ADAM11: variants seen among roughly 807,000 people sequenced by gnomAD.
ADAM11 encodes the protein ADAM metallopeptidase domain 11, also known as disintegrin and metalloproteinase domain-containing protein 11.
A neutral mutation model predicts 119.1 loss-of-function variants in ADAM11; 49 were observed. That is an observed-to-expected ratio of 0.41 (90% CI 0.33 to 0.52). The LOEUF (loss-of-function observed/expected upper bound fraction) is 0.52. Ranked by LOEUF, ADAM11 falls within the 20% of genes least tolerant of loss-of-function variation. The pLI, the probability that ADAM11 is intolerant of heterozygous loss-of-function variation, is 0.20. For missense variants in ADAM11, 777 were observed against 1,047.5 expected, an observed-to-expected ratio of 0.74 and a Z score of 3.56; for synonymous variants, 364 against 408.0, an observed-to-expected ratio of 0.89 and a Z score of 1.30.
intron 2 of ADAM11, among the ~76,000 whole-genome samples, chr17:44,763,721 CTT>C (rs879511711): frequency 5.5e-5 from 8 of 144,156 alleles, no homozygotes; most frequent in Admixed American, 6.9e-5. Context: ...TGTTTTCTTT[CTT>C]TTTTTTTTTT....
Position 44,779,966 on chromosome 17 carries a change from T to TC in ADAM11, c.*217dup, listed in dbSNP as rs1567697234. On this transcript the variant is annotated 3_prime_UTR_variant, in exon 27 of 27. Coordinates refer to ENST00000200557, the MANE Select transcript of ADAM11 (RefSeq NM_002390.6). ...GGCCTGGAGGGCACTTCCTCCACAG[T>TC]CCCCCACCCACCTCCTGCGGCTCAG... 1 of 735,500 alleles carries TC rather than the reference T, an allele frequency of 1.4e-6. No homozygotes were observed. Among genetic ancestry groups the TC allele is most frequent in the Non-Finnish European group, 2.4e-6 (1 of 415,596 alleles). 45.6% of individuals were successfully genotyped at this position (735,500 alleles called of 1,614,324 possible). A position where few individuals can be genotyped will look rare whatever the true frequency, so the allele number is the denominator to read the frequency against.
Position 44,774,579 on chromosome 17 carries a change from G to A in ADAM11, c.1165G>A (p.Ala389Thr). The change falls in exon 13 of 27, where the codon GCA becomes ACA. Residue 389 changes from alanine (A) to threonine (T), a missense_variant. Transcript: ENST00000200557. ...GATGTGGAACAAACACCGGAGCTCG[G>A]CAGGTATCCTCCCCCAGAGGCCCCC... The part of the protein sequence containing the change: ...GMMWNKHRSS[A>T]GDCKCPDIWL... 2 of 1,612,718 alleles carry A rather than the reference G, an allele frequency of 1.2e-6. No homozygotes were observed. The highest frequency in any genetic ancestry group is 2.2e-5 in the East Asian group (1 of 44,860).
At position 44,780,518 on chromosome 17, in the gene ADAM11, C is replaced by T. The variant is rs973364182; in HGVS notation, c.*764C>T. ...TCGTCTCCAATTCGAAAACAACCGT[C>T]CTGCTGTCCCTGTCAGGACACATGG... On this transcript the variant is annotated 3_prime_UTR_variant, in exon 27 of 27. Coordinates refer to ENST00000200557, the MANE Select transcript of ADAM11 (RefSeq NM_002390.6). 3.2e-5 allele frequency: 8 copies of T among 249,300 alleles called. No individual in the cohort carries two copies. Among genetic ancestry groups the T allele is most frequent in the Non-Finnish European group, 5.5e-5 (7 of 128,056 alleles). The allele number at this position is 249,300 out of a possible 1,614,324, so 15.4% of individuals were successfully genotyped here.
At chr17:44,764,371 T>C (rs2049423200) in intron 2 of ADAM11, among the ~76,000 whole-genome samples, 1 of 152,052 alleles carries the variant, frequency 6.6e-6, no homozygotes, top group South Asian at 2.1e-4. Flanking sequence ...AAGATGGGAG[T>C]CATGGACATG....
Position 44,777,860 on chromosome 17 carries a change from C to A in ADAM11, c.2067C>A (p.His689Gln). The A allele has an allele frequency of 6.2e-7, 1 of 1,613,546 alleles. No homozygotes were observed. Among genetic ancestry groups the A allele is most frequent in the Non-Finnish European group, 8.5e-7 (1 of 1,179,948 alleles). ...GGGAGCGCCGGATTTGCTCCCACCACGGGGTGACTGCCTGGAGCCTGGGAT... is the reference window on the plus strand; with the variant it reads ...GGGAGCGCCGGATTTGCTCCCACCAAGGGGTGACTGCCTGGAGCCTGGGAT... ...GSGERRICSH[H>Q]GVCSNEGKCI... Residue 689 changes from histidine to glutamine, a missense_variant, in exon 23 of 27, where the codon CAC becomes CAA. His to Gln is a conservative substitution (Grantham distance 24). This residue lies in a region of ADAM11 where 348 missense variants were observed against 486.7 expected (regional missense o/e 0.72). Coordinates refer to ENST00000200557, the MANE Select transcript of ADAM11 (RefSeq NM_002390.6). This position sits in a 1 kb window ranked among gnomAD's most constrained non-coding sequence, Gnocchi z 5.1.
rs2049368901 is a variant in ADAM11 at position 44,759,893 on chromosome 17, G to T, written c.233G>T (p.Gly78Val). The T allele has an allele frequency of 7.7e-7, 1 of 1,297,884 alleles. No individual in the cohort carries two copies. The highest frequency in any genetic ancestry group is 9.8e-7 in the Non-Finnish European group (1 of 1,015,772). The allele number at this position is 1,297,884 out of a possible 1,614,324, so 80.4% of individuals were successfully genotyped here. A position where few individuals can be genotyped will look rare whatever the true frequency, so the allele number is the denominator to read the frequency against. Reference sequence around the variant, plus strand: ...AGGGTCCGCCAGGAGCCACCAGGGGGCCCGGTGAGTGGGGCTGGGTGGTGA... The same window carrying T: ...AGGGTCCGCCAGGAGCCACCAGGGGTCCCGGTGAGTGGGGCTGGGTGGTGA... ...DTRVRQEPPG[G>V]PPVHLAQVSF... Residue 78 changes from glycine to valine, a missense_variant, in exon 2 of 27, where the codon GGC becomes GTC. Gly to Val is a moderately radical substitution (Grantham distance 109). Coordinates refer to ENST00000200557, the MANE Select transcript of ADAM11 (RefSeq NM_002390.6).
Position 44,773,428 on chromosome 17 carries a change from G to C in ADAM11, c.992+1G>C, listed in dbSNP as rs1365949465. ...CCAGTGATGCCACCCACCTCTTCTC[G>C]TGAGTCCCCCACCCTGCACCTCCTG... On this transcript the variant is annotated splice_donor_variant, in intron 11 of 26. Transcript: ENST00000200557. LOFTEE classifies it high-confidence loss of function. The surrounding 1 kb of genome is among the most constrained non-coding windows in gnomAD (Gnocchi z 4.6). 6.2e-7 allele frequency: 1 copy of C among 1,612,230 alleles called. No individual in the cohort carries two copies. The highest frequency in any genetic ancestry group is 1.3e-5 in the African/African-American group (1 of 74,972).
chr17:44,774,887 CCGCAAACACTG>C, intron 14 of ADAM11, 138 bp downstream of exon 14: 1 of 1,127,016 alleles, frequency 8.9e-7, no homozygotes, highest in Non-Finnish European at 1.2e-6. Flanking sequence ...GCCCAGTTTT[CCGCAAACACTG>C]CCCCGGGAGA....
rs1423364728 is a variant in ADAM11, at chr17:44,773,658, T to A, written c.992+231T>A. 6.6e-6 allele frequency among the ~76,000 whole-genome samples: 1 copy of A among 152,124 alleles called. No individual in the cohort carries two copies. The highest frequency in any genetic ancestry group is 2.4e-5 in the African/African-American group (1 of 41,426). The stretch of plus-strand genomic sequence containing the variant: ...GTCCTCTTCTGCCTCTCACCTCCCC[T>A]TAGTTCTGTCTTTCCCCTTTCAAAC... On this transcript the variant is annotated intron_variant, in intron 11 of 26. Coordinates refer to ENST00000200557, the MANE Select transcript of ADAM11 (RefSeq NM_002390.6). This position sits in a 1 kb window ranked among gnomAD's most constrained non-coding sequence, Gnocchi z 4.6.
chr17:44,776,593 A>G lies in ADAM11; in HGVS notation c.1567-152A>G. 1 of 1,013,668 alleles carries G rather than the reference A, an allele frequency of 9.9e-7. No homozygotes were observed. The highest frequency in any genetic ancestry group is 1.7e-5 in the South Asian group (1 of 60,482). 62.8% of individuals were successfully genotyped at this position (1,013,668 alleles called of 1,614,324 possible). ...TTGCAAATCCGTGTGGTCTGGGTCC[A>G]GAACCAGACAGATCGCTTGTCCTAG... is the stretch of plus-strand genomic sequence containing the variant. On this transcript the variant is annotated intron_variant, in intron 18 of 26. Coordinates refer to ENST00000200557, the MANE Select transcript of ADAM11 (RefSeq NM_002390.6). This position sits in a 1 kb window ranked among gnomAD's most constrained non-coding sequence, Gnocchi z 5.2.
intron 2 of ADAM11, among the ~76,000 whole-genome samples, chr17:44,760,321 T>C (rs1407249173): frequency 6.6e-6 from 1 of 152,176 alleles, no homozygotes; most frequent in African/African-American, 2.4e-5. Context: ...TAGTGGGCTT[T>C]CTTGGAACAA....
rs1190765872 is a variant in ADAM11 at position 44,776,483 on chromosome 17, A to T, written c.1567-262A>T. Among the ~76,000 whole-genome samples, 1 of 152,144 alleles carries T rather than the reference A, an allele frequency of 6.6e-6. No homozygotes were observed. Among genetic ancestry groups the T allele is most frequent in the East Asian group, 1.9e-4 (1 of 5,194 alleles). ...AGGGATCAGAGTAGACGATAATATT[A>T]GTTAACATCTATTACAACCTAATTA... On this transcript the variant is annotated intron_variant, in intron 18 of 26. Transcript: ENST00000200557. The surrounding 1 kb of genome is among the most constrained non-coding windows in gnomAD (Gnocchi z 5.2).
At chr17:44,767,133 A>T (rs2049460064) in intron 2 of ADAM11, among the ~76,000 whole-genome samples, 1 of 151,968 alleles carries the variant, frequency 6.6e-6, no homozygotes, top group Non-Finnish European at 1.5e-5. Context: ...CCAAGGGTGG[A>T]TCACAAGGTC....
chr17:44,776,880 T>C lies in ADAM11; in HGVS notation c.1618-19T>C. 1.2e-6 allele frequency: 2 copies of C among 1,613,592 alleles called. No homozygotes were observed. The highest frequency in any genetic ancestry group is 1.1e-5 in the South Asian group (1 of 91,068). ...ACTCAGCATCTCCATCCCTTGCCTC[T>C]TAATTCTTGGACTCTCAGGGCCGCT... On this transcript the variant is annotated intron_variant, in intron 19 of 26. Coordinates refer to ENST00000200557, the MANE Select transcript of ADAM11 (RefSeq NM_002390.6). The surrounding 1 kb of genome is among the most constrained non-coding windows in gnomAD (Gnocchi z 5.2).
At position 44,759,255 on chromosome 17, in the gene ADAM11, C is replaced by G; in HGVS notation, c.56C>G (p.Thr19Arg). The change falls in exon 1 of 27, where the codon ACG becomes AGG. Residue 19 changes from threonine to arginine, a missense_variant. Coordinates refer to ENST00000200557, the MANE Select transcript of ADAM11 (RefSeq NM_002390.6). ...GCTCTGCTGCTGTCGCTGCTCCCCA[C>G]GCCCGGTGAGTGACCCCCGCCCGGC... Reference protein sequence around the residue: ...FAALLLSLLPTPGLGTQGPAG... With the variant: ...FAALLLSLLPRPGLGTQGPAG... 2.1e-6 allele frequency: 3 copies of G among 1,430,790 alleles called. No individual in the cohort carries two copies. Among genetic ancestry groups the G allele is most frequent in the Non-Finnish European group, 2.7e-6 (3 of 1,092,490 alleles). The allele number at this position is 1,430,790 out of a possible 1,614,324, so 88.6% of individuals were successfully genotyped here.
intron 3 of ADAM11, 27 bp downstream of exon 3, chr17:44,769,821 A>T: frequency 6.2e-7 from 1 of 1,611,802 alleles, no homozygotes; most frequent in Middle Eastern, 1.7e-4. Context: ...GCCCAAGAGG[A>T]AGGGCAGTGG....
rs1205457015 is a variant in ADAM11, at chr17:44,774,363, G to C, written c.1061G>C (p.Gly354Ala). Reference sequence around the variant, plus strand: ...GGGGGCATATGCTCCCTGTCCCACGGCGGGGGTGTGAACGAGGTGAGCAGT... The same window carrying C: ...GGGGGCATATGCTCCCTGTCCCACGCCGGGGGTGTGAACGAGGTGAGCAGT... ...YVGGICSLSHGGGVNEYGNMG... is the reference protein window; with the variant it reads ...YVGGICSLSHAGGVNEYGNMG... The change falls in exon 12 of 27, where the codon GGC becomes GCC. Residue 354 changes from glycine to alanine, a missense_variant. This residue lies in a region of ADAM11 where 147 missense variants were observed against 223.3 expected (regional missense o/e 0.66). Transcript: ENST00000200557. 3 of 1,490,128 alleles carry C rather than the reference G, an allele frequency of 2.0e-6. No individual in the cohort carries two copies. The African/African-American group carries it at 4.2e-5, about 21-fold the overall frequency. The allele number at this position is 1,490,128 out of a possible 1,614,324, so 92.3% of individuals were successfully genotyped here.
At chr17:44,766,309 A>G (rs1007274928) in intron 2 of ADAM11, among the ~76,000 whole-genome samples, 3 of 152,162 alleles carry the variant, frequency 2.0e-5, no homozygotes, top group Non-Finnish European at 2.9e-5. Context: ...TGAGAATCCT[A>G]AGGCTCCTTA....
rs71136047 is a variant in ADAM11 at position 44,778,713 on chromosome 17, A to AAAAAAAAAAAAAAAAAAAAAAAAAAAAAG, written c.2276+471_2276+472insAAAAAAAAAAAAAAAAAAAAAAAAAAAAG. On this transcript the variant is annotated intron_variant, in intron 25 of 26. Transcript: ENST00000200557. ...CAAAAAAAAAAAAAAAAAAAAAAAAAGAAAGAAAGAGAGAAAGAAAAGAAA... is the reference window on the plus strand; with the variant it reads ...CAAAAAAAAAAAAAAAAAAAAAAAAAAAAAAAAAAAAAAAAAAAAAAAAAAAAAGGAAAGAAAGAGAGAAAGAAAAGAAA... Among the ~76,000 whole-genome samples the AAAAAAAAAAAAAAAAAAAAAAAAAAAAAG allele has an allele frequency of 1.2e-4, 10 of 80,428 alleles. 3 individuals carry two copies. The highest frequency in any genetic ancestry group is 1.7e-4 in the African/African-American group (3 of 18,112). The allele number at this position is 80,428 out of a possible 152,430, so 52.8% of individuals were successfully genotyped here.
Sources: gnomAD v4.1 joint callset for allele counts (sites outside exome capture counted in the v4.1 genomes callset) on GRCh38, gnomAD v4.1.1 for gene constraint, gnomAD v4.1.1 regional missense constraint, Gnocchi (gnomAD v3.1) non-coding constraint, MANE v1.5 for transcripts, NCBI Gene and HGNC (gene_info 2026-07-23, HGNC 2026-07-21) for gene names.